Variants in SORCS1 observed in about 807,000 individuals in gnomAD.
The protein encoded by SORCS1 is VPS10 domain-containing receptor SorCS1.
In SORCS1, 60 loss-of-function variants were observed where a neutral mutation model predicts 146.1. The observed-to-expected ratio is 0.41, with a 90% confidence interval of 0.33 to 0.51. The LOEUF is 0.51. Ranked by LOEUF, SORCS1 falls within the 20% of genes least tolerant of loss-of-function variation. The probability of loss-of-function intolerance (pLI) is 0.21; values close to 1 mark genes in which losing one functional copy is unlikely to be tolerated. For missense variants in SORCS1, 1,352 were observed against 1,487.6 expected (o/e 0.91, Z 1.50); for synonymous variants, 637 against 584.0 (o/e 1.09, Z -1.31).
intron 1 of SORCS1, among the ~76,000 whole-genome samples, chr10:107,077,328 AC>A (rs1237277344): frequency 1.3e-5 from 2 of 152,140 alleles, no homozygotes; most frequent in African/African-American, 4.8e-5. Flanking sequence ...CCTGTTGTAT[AC>A]ATTCTAAACT....
At chr10:107,066,419 T>C (rs1323249266) in intron 1 of SORCS1, among the ~76,000 whole-genome samples, 2 of 152,200 alleles carry the variant, frequency 1.3e-5, no homozygotes, top group Non-Finnish European at 1.5e-5. Flanking sequence ...GAATGTGTTA[T>C]GCAAGCCGAA....
chr10:106,735,217 A>G (rs1856867559), intron 5 of SORCS1, among the ~76,000 whole-genome samples: 1 of 152,088 alleles, frequency 6.6e-6, no homozygotes, highest in South Asian at 2.1e-4. Context: ...AAAATTATTG[A>G]TTGTCATAAG....
intron 24 of SORCS1, among the ~76,000 whole-genome samples, chr10:106,590,732 G>T (rs182327950): frequency 1.3e-5 from 2 of 152,294 alleles, no homozygotes; most frequent in Admixed American, 6.5e-5. Flanking sequence ...TCAGCTCACT[G>T]CAACCTCTGC....
intron 1 of SORCS1, among the ~76,000 whole-genome samples, chr10:107,136,659 T>C (rs1455598077): frequency 6.6e-6 from 1 of 152,190 alleles, no homozygotes; most frequent in Non-Finnish European, 1.5e-5. Flanking sequence ...TATCATTTGA[T>C]CTTCATAACC....
chr10:106,826,125 A>C (rs1948293951), intron 3 of SORCS1, among the ~76,000 whole-genome samples: 1 of 152,270 alleles, frequency 6.6e-6, no homozygotes, highest in Non-Finnish European at 1.5e-5. Context: ...AAGGCAAGGC[A>C]TGAAGCCTGC....
rs1455032914 is a variant in SORCS1, at chr10:106,941,985, A to G, written c.626+14528T>C. 2.0e-5 allele frequency among the ~76,000 whole-genome samples: 3 copies of G among 152,202 alleles called. No individual in the cohort carries two copies. In the East Asian group the frequency reaches 5.8e-4, roughly 29 times the overall value. On this transcript the variant is annotated intron_variant, in intron 2 of 25. Coordinates refer to ENST00000263054, the MANE Select transcript of SORCS1 (RefSeq NM_052918.5). Reference sequence around the variant, plus strand: ...TGTGGAGGTGGGTTGTCACTCACAAATAACTCAGGGATGTGGGGGGAATTG... The same window carrying G: ...TGTGGAGGTGGGTTGTCACTCACAAGTAACTCAGGGATGTGGGGGGAATTG...
At chr10:107,012,179 T>C (rs1263468544) in intron 1 of SORCS1, among the ~76,000 whole-genome samples, 1 of 152,196 alleles carries the variant, frequency 6.6e-6, no homozygotes, top group East Asian at 1.9e-4. Context: ...CACGCTTTCC[T>C]TCCATTTTCC....
intron 1 of SORCS1, among the ~76,000 whole-genome samples, chr10:107,004,555 G>A (rs1293108456): frequency 1.3e-5 from 2 of 152,116 alleles, no homozygotes; most frequent in African/African-American, 2.4e-5. Context: ...ACAGTATGGA[G>A]GAAATGACCC....
At chr10:106,905,966 C>T (rs1421112126) in intron 2 of SORCS1, among the ~76,000 whole-genome samples, 11 of 152,146 alleles carry the variant, frequency 7.2e-5, no homozygotes, top group Admixed American at 7.2e-4. Context: ...AACTTAATTT[C>T]TATCCTCTCA....
At chr10:106,878,828 G>A (rs987319955) in intron 2 of SORCS1, among the ~76,000 whole-genome samples, 1 of 151,002 alleles carries the variant, frequency 6.6e-6, no homozygotes, top group Non-Finnish European at 1.5e-5. Flanking sequence ...TGACTCCCAT[G>A]TAAGTGAGGA....
At chr10:107,115,137 T>C (rs1231797523) in intron 1 of SORCS1, among the ~76,000 whole-genome samples, 2 of 152,010 alleles carry the variant, frequency 1.3e-5, no homozygotes, top group African/African-American at 4.8e-5. Context: ...CCCGTGTTTA[T>C]GGATTGGAAG....
At chr10:106,866,032 C>CAAAA (rs60499735) in intron 2 of SORCS1, among the ~76,000 whole-genome samples, 1 of 95,116 alleles carries the variant, frequency 1.1e-5, no homozygotes, top group Admixed American at 1.2e-4. Flanking sequence ...GATTCCGTCT[C>CAAAA]AAAAAAAAAA....
chr10:107,038,417 C>T (rs1026268239), intron 1 of SORCS1, among the ~76,000 whole-genome samples: 3 of 151,266 alleles, frequency 2.0e-5, no homozygotes, highest in Non-Finnish European at 2.9e-5. Flanking sequence ...GGAGAGACAG[C>T]ATTAGGAGAT....
chr10:106,647,929 G>A (rs892723141), intron 18 of SORCS1, among the ~76,000 whole-genome samples: 10 of 152,116 alleles, frequency 6.6e-5, no homozygotes, highest in South Asian at 2.1e-4. Context: ...GTGCTGTGGC[G>A]CAATTATGGT....
chr10:107,023,222 C>G (rs1045667845), intron 1 of SORCS1, among the ~76,000 whole-genome samples: 2 of 152,168 alleles, frequency 1.3e-5, no homozygotes, highest in Non-Finnish European at 2.9e-5. Context: ...AGGACCCAAC[C>G]CCAGGGCTTT....
intron 1 of SORCS1, among the ~76,000 whole-genome samples, chr10:106,958,481 T>A (rs997574430): frequency 3.6e-4 from 55 of 152,174 alleles, no homozygotes; most frequent in African/African-American, 1.2e-3. Context: ...GGCACAAGCA[T>A]CAGTGAACAC....
rs1212348026 is a variant in SORCS1, at chr10:106,989,672, TTTTTTTTG to T, written c.559-33100_559-33093del. On this transcript the variant is annotated intron_variant, in intron 1 of 25. Coordinates refer to ENST00000263054, the MANE Select transcript of SORCS1 (RefSeq NM_052918.5). The stretch of plus-strand genomic sequence containing the variant: ...CTTTATATACTCATATTTTTTCTGT[TTTTTTTTG>T]TTTTTTTTTTTTTTTTTTTTTTCTG... Among the ~76,000 whole-genome samples the T allele has an allele frequency of 9.3e-4, 76 of 81,290 alleles. 1 individual carries two copies. Among genetic ancestry groups the T allele is most frequent in the African/African-American group, 2.7e-3 (71 of 26,632 alleles). The allele number at this position is 81,290 out of a possible 152,430, so 53.3% of individuals were successfully genotyped here. A position where few individuals can be genotyped will look rare whatever the true frequency, so the allele number is the denominator to read the frequency against.
chr10:106,619,919 G>C (rs955469327), intron 20 of SORCS1, among the ~76,000 whole-genome samples: 7 of 152,168 alleles, frequency 4.6e-5, no homozygotes, highest in Admixed American at 1.3e-4. Context: ...AAGGCCATTG[G>C]GGGTGGGTTG....
intron 1 of SORCS1, among the ~76,000 whole-genome samples, chr10:107,025,862 A>G (rs1304124723): frequency 2.0e-5 from 3 of 152,198 alleles, no homozygotes; most frequent in Admixed American, 6.5e-5. Context: ...AGAGCCCACA[A>G]GTGGGAGGAC....
Sources: allele counts gnomAD v4.1 joint callset (sites outside exome capture counted in the v4.1 genomes callset), GRCh38; gene constraint gnomAD v4.1.1; transcripts MANE v1.5; gene names NCBI Gene and HGNC (gene_info 2026-07-23, HGNC 2026-07-21).